The following STAT4 variants were observed in gnomAD, a reference collection of about 807,000 sequenced individuals.
STAT4 encodes the protein signal transducer and activator of transcription 4.
In STAT4, 42 loss-of-function variants were observed where a neutral mutation model predicts 110.5. The observed-to-expected ratio is 0.38, with a 90% CI of 0.30 to 0.49. The LOEUF (loss-of-function observed/expected upper bound fraction) is 0.49. STAT4 is among the 20% of genes least tolerant of loss of function. The pLI is 0.95. For missense variants in STAT4, 632 were observed against 887.9 expected (o/e 0.71, Z 3.66); for synonymous variants, 284 against 302.2 (o/e 0.94, Z 0.63).
At chr2:191,098,192 G>A (rs1220846728) in intron 3 of STAT4, among the ~76,000 whole-genome samples, 2 of 152,220 alleles carry the variant, frequency 1.3e-5, no homozygotes, top group African/African-American at 2.4e-5. Flanking sequence ...AACCATTGTG[G>A]AAGACAGTGT....
At chr2:191,122,327 GAAA>G (rs71030324) in intron 3 of STAT4, among the ~76,000 whole-genome samples, 5 of 139,818 alleles carry the variant, frequency 3.6e-5, no homozygotes, top group African/African-American at 5.4e-5. Flanking sequence ...TCATAAAAAT[GAAA>G]AAAAAAAAAA....
In STAT4 at chr2:191,062,027, A is replaced by T. The variant is rs1300519054; in HGVS notation, c.942-206T>A. Among the ~76,000 whole-genome samples the T allele has an allele frequency of 6.6e-6, 1 of 152,178 alleles. No homozygotes were observed. Among genetic ancestry groups the T allele is most frequent in the Non-Finnish European group, 1.5e-5 (1 of 68,026 alleles). ...AAATGATTCTTAATTGTTATAATTGAGTCATGAATAAAAGCCCCAGTCCAT... is the reference window on the plus strand; with the variant it reads ...AAATGATTCTTAATTGTTATAATTGTGTCATGAATAAAAGCCCCAGTCCAT... On this transcript the variant is annotated intron_variant, in intron 9 of 23. Coordinates refer to ENST00000392320, the MANE Select transcript of STAT4 (RefSeq NM_003151.4). This position sits in a 1 kb window ranked among gnomAD's most constrained non-coding sequence, Gnocchi z 4.9.
At position 191,061,080 on chromosome 2, in the gene STAT4, T is replaced by C. The variant is rs899237869; in HGVS notation, c.1034+649A>G. On this transcript the variant is annotated intron_variant, in intron 10 of 23. Transcript: ENST00000392320. This position sits in a 1 kb window ranked among gnomAD's most constrained non-coding sequence, Gnocchi z 6.2. The stretch of plus-strand genomic sequence containing the variant: ...TCAAACTCATTGTTCTCAGCATCAT[T>C]AGGGAAAACTGTAAGTTTTGACGCT... Among the ~76,000 whole-genome samples, 2 of 152,184 alleles carry C rather than the reference T, an allele frequency of 1.3e-5. No individual in the cohort carries two copies. The highest frequency in any genetic ancestry group is 4.8e-5 in the African/African-American group (2 of 41,440).
At position 191,031,023 on chromosome 2, in the gene STAT4, A is replaced by G; in HGVS notation, c.2169T>C (p.Ser723=). The change falls in exon 23 of 24, where the codon AGT becomes AGC. Residue 723 remains serine (S), a synonymous_variant. Coordinates refer to ENST00000392320, the MANE Select transcript of STAT4 (RefSeq NM_003151.4). The surrounding 1 kb of genome is among the most constrained non-coding windows in gnomAD (Gnocchi z 4.8). The stretch of plus-strand genomic sequence containing the variant: ...GGTTTTCTCTCAACACCGCATACAC[A>G]CTTGGAGACATGGGAAGAAGGTCTG... ...SPSDLLPMSP[S]VYAVLRENLS... is the part of the protein sequence containing the mutation. 2 of 1,613,990 alleles carry G rather than the reference A, an allele frequency of 1.2e-6. No individual in the cohort carries two copies. Among genetic ancestry groups the G allele is most frequent in the East Asian group, 4.5e-5 (2 of 44,878 alleles).
chr2:191,052,269 T>G (rs1696548415), intron 14 of STAT4, among the ~76,000 whole-genome samples: 1 of 152,218 alleles, frequency 6.6e-6, no homozygotes, highest in South Asian at 2.1e-4. Flanking sequence ...CAACTGTTAC[T>G]GCTGCACACA....
At chr2:191,096,704 C>A (rs1198024065) in intron 3 of STAT4, among the ~76,000 whole-genome samples, 1 of 152,014 alleles carries the variant, frequency 6.6e-6, no homozygotes, top group Non-Finnish European at 1.5e-5. Context: ...CTTTGAAAAC[C>A]AGCACGAGAC....
chr2:191,107,526 T>C lies in STAT4; in HGVS notation c.274-31201A>G, dbSNP rs1698314060. Among the ~76,000 whole-genome samples the C allele has an allele frequency of 6.6e-6, 1 of 152,210 alleles. No homozygotes were observed. The highest frequency in any genetic ancestry group is 6.5e-5 in the Admixed American group (1 of 15,274). On this transcript the variant is annotated intron_variant, in intron 3 of 23. Coordinates refer to ENST00000392320, the MANE Select transcript of STAT4 (RefSeq NM_003151.4). The surrounding 1 kb of genome is among the most constrained non-coding windows in gnomAD (Gnocchi z 4.2). Reference sequence around the variant, plus strand: ...AGGTTCAGGGGAGGCTGGGTTTATGTAACTTGCCCAAAATCATGTTGCTAA... The same window carrying C: ...AGGTTCAGGGGAGGCTGGGTTTATGCAACTTGCCCAAAATCATGTTGCTAA...
At chr2:191,089,337 A>T (rs1330873819) in intron 3 of STAT4, among the ~76,000 whole-genome samples, 1 of 152,218 alleles carries the variant, frequency 6.6e-6, no homozygotes, top group Non-Finnish European at 1.5e-5. Flanking sequence ...AGGGAAATGC[A>T]TACTAAAATA....
intron 6 of STAT4, among the ~76,000 whole-genome samples, chr2:191,067,480 C>T (rs1255949487): frequency 6.6e-6 from 1 of 152,130 alleles, no homozygotes; most frequent in African/African-American, 2.4e-5. Context: ...CACCTAGAGC[C>T]CAAACTTCGT....
chr2:191,071,843 T>C (rs1697164537), intron 5 of STAT4, among the ~76,000 whole-genome samples: 1 of 152,154 alleles, frequency 6.6e-6, no homozygotes, highest in Non-Finnish European at 1.5e-5. Context: ...AGAAAGGACA[T>C]ACAAGAGAGG....
intron 3 of STAT4, chr2:191,131,892 C>A: frequency 7.0e-7 from 1 of 1,430,736 alleles, no homozygotes. Flanking sequence ...CTGTAGCCAA[C>A]CCTGGGGACT....
At chr2:191,121,165 G>T (rs1216917440) in intron 3 of STAT4, among the ~76,000 whole-genome samples, 1 of 152,158 alleles carries the variant, frequency 6.6e-6, no homozygotes, top group Non-Finnish European at 1.5e-5. Flanking sequence ...ACAGACACGT[G>T]AAAAAATGCT....
intron 3 of STAT4, among the ~76,000 whole-genome samples, chr2:191,134,395 C>T (rs1171023086): frequency 6.6e-6 from 1 of 152,178 alleles, no homozygotes; most frequent in African/African-American, 2.4e-5. Flanking sequence ...TTTGGCCCAC[C>T]TGGACTTGCT....
chr2:191,136,776 C>A (rs536750979), intron 3 of STAT4, among the ~76,000 whole-genome samples: 4 of 152,172 alleles, frequency 2.6e-5, no homozygotes, highest in Non-Finnish European at 4.4e-5. Context: ...ATTTGTCCTT[C>A]TTTGCTGATG....
At position 191,110,806 on chromosome 2, in the gene STAT4, T is replaced by A. The variant is rs182723945; in HGVS notation, c.274-34481A>T. ...GTTTGTTTGTTTGTTTGTTTTGAGATCAAGCCTCCCTTTGTCATCCAGGCT... is the reference window on the plus strand; with the variant it reads ...GTTTGTTTGTTTGTTTGTTTTGAGAACAAGCCTCCCTTTGTCATCCAGGCT... On this transcript the variant is annotated intron_variant, in intron 3 of 23. Transcript: ENST00000392320. This position sits in a 1 kb window ranked among gnomAD's most constrained non-coding sequence, Gnocchi z 4.5. Among the ~76,000 whole-genome samples the A allele has an allele frequency of 4.6e-5, 7 of 152,294 alleles. No homozygotes were observed. Among genetic ancestry groups the A allele is most frequent in the South Asian group, 2.1e-4 (1 of 4,824 alleles).
At chr2:191,073,792 T>G (rs1323232743) in intron 4 of STAT4, among the ~76,000 whole-genome samples, 1 of 152,242 alleles carries the variant, frequency 6.6e-6, no homozygotes, top group Non-Finnish European at 1.5e-5. Flanking sequence ...TAAATACATT[T>G]GCAAGTACAT....
intron 5 of STAT4, among the ~76,000 whole-genome samples, chr2:191,071,890 C>T (rs192463365): frequency 1.3e-5 from 2 of 152,244 alleles, no homozygotes; most frequent in East Asian, 1.9e-4. Context: ...AGCATGTGGT[C>T]TTCACTTAGG....
At position 191,034,293 on chromosome 2, in the gene STAT4, G is replaced by T. The variant is rs532528959; in HGVS notation, c.1620+255C>A. Among the ~76,000 whole-genome samples, 6 of 151,948 alleles carry T rather than the reference G, an allele frequency of 3.9e-5. No individual in the cohort carries two copies. In the South Asian group the frequency reaches 1.2e-3, roughly 32 times the overall value. On this transcript the variant is annotated intron_variant, in intron 18 of 23. Coordinates refer to ENST00000392320, the MANE Select transcript of STAT4 (RefSeq NM_003151.4). Reference sequence around the variant, plus strand: ...AAAAAATTAGCCGGGCGTGGTGGTGGGTGCCTGTAGTCCCAGCTAATCAGG... The same window carrying T: ...AAAAAATTAGCCGGGCGTGGTGGTGTGTGCCTGTAGTCCCAGCTAATCAGG...
rs1285616083 is a variant in STAT4, at chr2:191,090,495, C to A, written c.274-14170G>T. On this transcript the variant is annotated intron_variant, in intron 3 of 23. Transcript: ENST00000392320. This position sits in a 1 kb window ranked among gnomAD's most constrained non-coding sequence, Gnocchi z 4.2. ...ATAATAATAATACATCTATCTTAAACTAGCTAAAAATTAGCTGCAGGTATA... is the reference window on the plus strand; with the variant it reads ...ATAATAATAATACATCTATCTTAAAATAGCTAAAAATTAGCTGCAGGTATA... Among the ~76,000 whole-genome samples the A allele has an allele frequency of 2.6e-5, 4 of 152,064 alleles. No individual in the cohort carries two copies.
Sources: allele counts gnomAD v4.1 joint callset (sites outside exome capture counted in the v4.1 genomes callset), GRCh38; gene constraint gnomAD v4.1.1; non-coding constraint Gnocchi (gnomAD v3.1); transcripts MANE v1.5; gene names NCBI Gene and HGNC (gene_info 2026-07-23, HGNC 2026-07-21).